The following KHDRBS2 variants were observed in gnomAD, a reference collection of about 807,000 sequenced individuals.
KHDRBS2 encodes KH domain-containing, RNA-binding, signal transduction-associated protein 2.
A neutral mutation model predicts 44.3 loss-of-function variants in KHDRBS2; 26 were observed. That is an observed-to-expected ratio of 0.59 (90% CI 0.43 to 0.81). KHDRBS2 has a LOEUF of 0.81. Among genes scored for constraint, KHDRBS2 ranks in the 40% least tolerant of loss-of-function variants. The pLI, the probability that KHDRBS2 is intolerant of heterozygous loss-of-function variation, is 0.00. For missense variants in KHDRBS2, 476 were observed against 433.1 expected, an observed-to-expected ratio of 1.10 and a Z score of -0.88; for synonymous variants, 194 against 151.1, an observed-to-expected ratio of 1.28 and a Z score of -2.08.
chr6:61,748,749 G>C (rs571568924), intron 6 of KHDRBS2, among the ~76,000 whole-genome samples: 1 of 151,944 alleles, frequency 6.6e-6, no homozygotes, highest in African/African-American at 2.4e-5. Flanking sequence ...ATTTCGCATT[G>C]TGTTTGTTTA....
intron 2 of KHDRBS2, among the ~76,000 whole-genome samples, 165 bp from the exon 3 acceptor site, chr6:62,048,159 A>ACACACACACACAC (rs1386673344): frequency 1.1e-5 from 1 of 92,108 alleles, no homozygotes; most frequent in African/African-American, 4.2e-5. Flanking sequence ...CACACACACA[A>ACACACACACACAC]ACCCCAAACC....
At chr6:61,612,087 AAAAGT>A in the KHDRBS2 span, among the ~76,000 whole-genome samples, 3 of 152,108 alleles carry the variant, frequency 2.0e-5, no homozygotes, top group African/African-American at 7.2e-5. Flanking sequence ...GCCATATGCA[AAAAGT>A]AAAGTACTAG....
chr6:61,715,142 A>G (rs1403333201), intron 7 of KHDRBS2, among the ~76,000 whole-genome samples: 1 of 151,922 alleles, frequency 6.6e-6, no homozygotes. Flanking sequence ...CAAGACCTGG[A>G]GGCTGTTTTT....
intron 6 of KHDRBS2, among the ~76,000 whole-genome samples, chr6:61,881,077 G>T (rs1800140412): frequency 6.6e-6 from 1 of 151,794 alleles, no homozygotes; most frequent in Non-Finnish European, 1.5e-5. Context: ...AACCTCGTGG[G>T]TATATGTACT....
chr6:61,903,722 A>T (rs1304311942), intron 4 of KHDRBS2, among the ~76,000 whole-genome samples: 2 of 152,180 alleles, frequency 1.3e-5, no homozygotes, highest in Non-Finnish European at 2.9e-5. Flanking sequence ...CAGAGATTAG[A>T]AAAGTGCTTG....
At chr6:61,938,401 T>A (rs1240111415) in intron 4 of KHDRBS2, among the ~76,000 whole-genome samples, 2 of 152,156 alleles carry the variant, frequency 1.3e-5, no homozygotes, top group African/African-American at 4.8e-5. Context: ...AAGATGAGGA[T>A]GAGCAAAGTA....
At chr6:61,750,376 C>T (rs1316554269) in intron 6 of KHDRBS2, among the ~76,000 whole-genome samples, 3 of 152,098 alleles carry the variant, frequency 2.0e-5, no homozygotes, top group African/African-American at 4.8e-5. Flanking sequence ...AGGAATAAGC[C>T]AGGCCAGCCT....
the KHDRBS2 span, among the ~76,000 whole-genome samples, chr6:61,567,836 C>G: frequency 4.6e-5 from 7 of 152,084 alleles, no homozygotes; most frequent in South Asian, 8.3e-4. Context: ...CTTAGTACAT[C>G]CAATACATTA....
chr6:61,955,784 C>T (rs1331728204), intron 4 of KHDRBS2, among the ~76,000 whole-genome samples: 1 of 151,728 alleles, frequency 6.6e-6, no homozygotes, highest in East Asian at 1.9e-4. Flanking sequence ...CTGGCATTTA[C>T]TAAGTATTTT....
In KHDRBS2 at chr6:61,733,464, G is replaced by A. The variant is rs577489940; in HGVS notation, c.811-700C>T. Among the ~76,000 whole-genome samples, 15 of 152,082 alleles carry A rather than the reference G, an allele frequency of 9.9e-5. No individual in the cohort carries two copies. The South Asian group carries it at 3.1e-3, about 32-fold the overall frequency. On this transcript the variant is annotated intron_variant, in intron 6 of 8. Transcript: ENST00000281156. ...AAAAAATTTAGCCAGGCGTGGTGGT[G>A]TGCACCTGTAATCCCAGCTGCTCAA...
At chr6:61,996,082 T>A (rs1300554217) in intron 3 of KHDRBS2, among the ~76,000 whole-genome samples, 1 of 152,216 alleles carries the variant, frequency 6.6e-6, no homozygotes, top group African/African-American at 2.4e-5. Context: ...TATGACCTCA[T>A]GACTGGCTAT....
At chr6:61,619,248 T>A in the KHDRBS2 span, among the ~76,000 whole-genome samples, 1 of 151,972 alleles carries the variant, frequency 6.6e-6, no homozygotes. Flanking sequence ...TTTTTATCCC[T>A]AGCTCCCTCC....
intron 6 of KHDRBS2, among the ~76,000 whole-genome samples, chr6:61,834,021 CTTGAT>C (rs1792253303): frequency 6.6e-6 from 1 of 152,006 alleles, no homozygotes; most frequent in Non-Finnish European, 1.5e-5. Flanking sequence ...ATACTGATGA[CTTGAT>C]TTATGTCTGT....
intron 4 of KHDRBS2, among the ~76,000 whole-genome samples, chr6:61,946,063 T>C (rs1185099095): frequency 6.6e-6 from 1 of 152,208 alleles, no homozygotes; most frequent in Non-Finnish European, 1.5e-5. Flanking sequence ...TCATCTCTTT[T>C]ACACAAGTAC....
intron 3 of KHDRBS2, among the ~76,000 whole-genome samples, chr6:62,000,680 A>G (rs1337020406): frequency 2.0e-5 from 3 of 152,180 alleles, no homozygotes; most frequent in Non-Finnish European, 4.4e-5. Context: ...CTCACTGCAG[A>G]AAGTGGCACT....
At chr6:61,979,660 C>T (rs1773438247) in intron 3 of KHDRBS2, among the ~76,000 whole-genome samples, 1 of 152,104 alleles carries the variant, frequency 6.6e-6, no homozygotes, top group Non-Finnish European at 1.5e-5. Context: ...TCTAAGGATA[C>T]TTTCAAACTC....
rs1318039474 is a variant in KHDRBS2 at position 61,778,487 on chromosome 6, A to G, written c.811-45723T>C. The stretch of plus-strand genomic sequence containing the variant: ...AGGTACCATGTAACCTTCCAAACAG[A>G]AAGGCATAGTAAACATGACTTACAG... On this transcript the variant is annotated intron_variant, in intron 6 of 8. Coordinates refer to ENST00000281156, the MANE Select transcript of KHDRBS2 (RefSeq NM_152688.4). 3.3e-5 allele frequency among the ~76,000 whole-genome samples: 5 copies of G among 151,338 alleles called. 1 individual carries two copies. Among genetic ancestry groups the G allele is most frequent in the Admixed American group, 2.0e-4 (3 of 15,240 alleles).
At chr6:61,773,164 G>C (rs1026115668) in intron 6 of KHDRBS2, among the ~76,000 whole-genome samples, 25 of 151,912 alleles carry the variant, frequency 1.6e-4, no homozygotes, top group African/African-American at 5.6e-4. Flanking sequence ...CCAGTAATGG[G>C]ATGGCTGGGT....
intron 2 of KHDRBS2, among the ~76,000 whole-genome samples, chr6:62,151,729 C>G (rs1348920883): frequency 6.6e-6 from 1 of 152,124 alleles, no homozygotes; most frequent in African/African-American, 2.4e-5. Context: ...CACACACACA[C>G]AACTTCAAGT....
Sources: gnomAD v4.1 joint callset for allele counts (sites outside exome capture counted in the v4.1 genomes callset) on GRCh38, gnomAD v4.1.1 for gene constraint, MANE v1.5 for transcripts, NCBI Gene and HGNC (gene_info 2026-07-23, HGNC 2026-07-21) for gene names.